Variants in SLC35F1 observed in about 807,000 individuals in gnomAD.
The protein encoded by SLC35F1 is solute carrier family 35 member F1.
SLC35F1 carries 14 observed loss-of-function variants against 48.7 expected under a neutral mutation model. That is an observed-to-expected ratio of 0.29 (90% CI 0.19 to 0.45). The LOEUF is 0.45. SLC35F1 is among the 20% of genes least tolerant of loss of function. The pLI, the probability that SLC35F1 is intolerant of heterozygous loss-of-function variation, is 1.00. For missense variants in SLC35F1, 404 were observed against 500.0 expected, an observed-to-expected ratio of 0.81 and a Z score of 1.83; for synonymous variants, 190 against 202.2, an observed-to-expected ratio of 0.94 and a Z score of 0.51.
intron 1 of SLC35F1, among the ~76,000 whole-genome samples, chr6:118,135,866 G>A (rs1773786642): frequency 6.6e-6 from 1 of 152,162 alleles, no homozygotes; most frequent in East Asian, 1.9e-4. Context: ...GTGTTACATA[G>A]TTGGAGGGCT....
At chr6:118,221,800 G>T (rs564750365) in intron 2 of SLC35F1, among the ~76,000 whole-genome samples, 1 of 152,084 alleles carries the variant, frequency 6.6e-6, no homozygotes, top group African/African-American at 2.4e-5. Context: ...TTTGAATCCA[G>T]TCTCAGATGT....
intron 1 of SLC35F1, among the ~76,000 whole-genome samples, chr6:118,119,501 C>CA (rs1562295694): frequency 0.018 from 1,937 of 106,822 alleles, 39 homozygotes; most frequent in Middle Eastern, 0.034. Flanking sequence ...GGCGCCCCCC[C>CA]TCCACCCCGC....
chr6:118,158,836 A>G (rs1774182838), intron 2 of SLC35F1, among the ~76,000 whole-genome samples: 1 of 152,188 alleles, frequency 6.6e-6, no homozygotes, highest in African/African-American at 2.4e-5. Context: ...CTTACAAAAT[A>G]TCATATCCAG....
At chr6:117,983,584 A>AAAAAG (rs1400708361) in intron 1 of SLC35F1, among the ~76,000 whole-genome samples, 1 of 152,346 alleles carries the variant, frequency 6.6e-6, no homozygotes, top group South Asian at 2.1e-4. Flanking sequence ...GTCGAAAAAG[A>AAAAAG]AAAAGAAAAG....
intron 2 of SLC35F1, among the ~76,000 whole-genome samples, chr6:118,222,848 CTT>C (rs1405106014): frequency 3.3e-5 from 5 of 152,212 alleles, no homozygotes; most frequent in African/African-American, 1.2e-4. Flanking sequence ...CCCTAGTAGT[CTT>C]TGAGTGCCTC....
intron 1 of SLC35F1, among the ~76,000 whole-genome samples, chr6:118,081,485 A>T (rs1772907658): frequency 1.3e-5 from 2 of 151,902 alleles, no homozygotes; most frequent in African/African-American, 4.8e-5. Flanking sequence ...TTTAAAAAAA[A>T]ATAGCTAGGC....
At chr6:118,128,482 T>G in intron 1 of SLC35F1, among the ~76,000 whole-genome samples, 1 of 151,902 alleles carries the variant, frequency 6.6e-6, no homozygotes, top group South Asian at 2.1e-4. Context: ...TATGCAGCCA[T>G]AAAAAATGAT....
chr6:118,164,243 T>C (rs899766296), intron 2 of SLC35F1, among the ~76,000 whole-genome samples: 4 of 152,156 alleles, frequency 2.6e-5, no homozygotes, highest in African/African-American at 9.7e-5. Context: ...AAACAAAATA[T>C]GATTAGAATT....
At chr6:118,009,757 T>C (rs1777221531) in intron 1 of SLC35F1, among the ~76,000 whole-genome samples, 1 of 152,188 alleles carries the variant, frequency 6.6e-6, no homozygotes, top group South Asian at 2.1e-4. Context: ...AATGACAACC[T>C]CAGTTCCTTA....
intron 1 of SLC35F1, among the ~76,000 whole-genome samples, chr6:117,987,580 T>C (rs974969770): frequency 6.6e-6 from 1 of 152,184 alleles, no homozygotes. Flanking sequence ...TTGAGCTTGT[T>C]CCACTTTCCA....
chr6:118,191,692 A>G (rs1774735888), intron 2 of SLC35F1, among the ~76,000 whole-genome samples: 1 of 152,208 alleles, frequency 6.6e-6, no homozygotes, highest in Non-Finnish European at 1.5e-5. Flanking sequence ...GTGAACCACA[A>G]AAACCTTTCT....
At chr6:118,136,481 T>G (rs982915848) in intron 1 of SLC35F1, among the ~76,000 whole-genome samples, 6 of 152,200 alleles carry the variant, frequency 3.9e-5, no homozygotes, top group African/African-American at 1.4e-4. Context: ...TTTCTTTTAG[T>G]TTCCAATTTT....
At chr6:117,970,328 G>A (rs1776622723) in intron 1 of SLC35F1, among the ~76,000 whole-genome samples, 1 of 152,156 alleles carries the variant, frequency 6.6e-6, no homozygotes, top group South Asian at 2.1e-4. Flanking sequence ...CAGCTACCAG[G>A]TATAGCCTCT....
chr6:117,927,270 A>G (rs534075715), intron 1 of SLC35F1, among the ~76,000 whole-genome samples: 2 of 152,332 alleles, frequency 1.3e-5, no homozygotes, highest in East Asian at 3.9e-4. Flanking sequence ...AGTCTTTCTG[A>G]GCTCCTTCAT....
intron 1 of SLC35F1, among the ~76,000 whole-genome samples, chr6:118,126,105 G>A (rs1168337020): frequency 1.3e-5 from 2 of 152,134 alleles, no homozygotes; most frequent in African/African-American, 2.4e-5. Context: ...CAGTGGTTAA[G>A]CCTTCAAAGA....
At chr6:118,256,217 TGTGTG>T (rs1775642362) in intron 3 of SLC35F1, among the ~76,000 whole-genome samples, 3 of 55,504 alleles carry the variant, frequency 5.4e-5, no homozygotes, top group Non-Finnish European at 1.6e-4. Flanking sequence ...TGTGTGTGTG[TGTGTG>T]TGTGTGTGTG....
chr6:118,227,144 C>G (rs1055668096), intron 2 of SLC35F1, among the ~76,000 whole-genome samples: 1 of 152,158 alleles, frequency 6.6e-6, no homozygotes, highest in African/African-American at 2.4e-5. Context: ...GCACAGGACA[C>G]CAGGCTTGAT....
At chr6:118,218,705 A>G (rs1250048126) in intron 2 of SLC35F1, among the ~76,000 whole-genome samples, 1 of 152,190 alleles carries the variant, frequency 6.6e-6, no homozygotes, top group African/African-American at 2.4e-5. Flanking sequence ...CTGTGTAGCC[A>G]GTGATTCTGG....
chr6:117,919,949 G>GCCTAAAA (rs1775875297), intron 1 of SLC35F1, among the ~76,000 whole-genome samples: 1 of 152,164 alleles, frequency 6.6e-6, no homozygotes, highest in Non-Finnish European at 1.5e-5. Context: ...ACGAGCGTGG[G>GCCTAAAA]CCTAAAAGGC....
Sources: gnomAD v4.1 joint callset for allele counts (sites outside exome capture counted in the v4.1 genomes callset) on GRCh38, gnomAD v4.1.1 for gene constraint, MANE v1.5 for transcripts, NCBI Gene and HGNC (gene_info 2026-07-23, HGNC 2026-07-21) for gene names.